The following FAM13A variants were observed in gnomAD, a reference collection of about 807,000 sequenced individuals.
FAM13A encodes family with sequence similarity 13 member A.
FAM13A carries 76 observed loss-of-function variants against 129.6 expected under a neutral mutation model. The ratio of observed to expected loss-of-function variants is 0.59; its 90% confidence interval spans 0.49 to 0.71. FAM13A has a LOEUF of 0.71. Ranked by LOEUF, FAM13A falls within the 30% of genes least tolerant of loss-of-function variation. FAM13A has a pLI of 0.00. For synonymous variants in FAM13A, 443 were observed against 449.9 expected (o/e 0.98, Z 0.20); for missense variants, 1,108 against 1,249.3 (o/e 0.89, Z 1.70).
rs748695550 is a variant in FAM13A at position 88,871,521 on chromosome 4, C to T, written c.844-20338G>A. Among the ~76,000 whole-genome samples the T allele has an allele frequency of 9.2e-5, 14 of 151,976 alleles. No individual in the cohort carries two copies. The East Asian group carries it at 9.6e-4, about 10-fold the overall frequency. On this transcript the variant is annotated intron_variant, in intron 6 of 23. Coordinates refer to ENST00000264344, the MANE Select transcript of FAM13A (RefSeq NM_014883.4). Reference sequence around the variant, plus strand: ...CATGCACAAGCTTCAGTAGCCGATTCGATCAACTGGAAGAAAGGGTATCAG... The same window carrying T: ...CATGCACAAGCTTCAGTAGCCGATTTGATCAACTGGAAGAAAGGGTATCAG...
intron 7 of FAM13A, among the ~76,000 whole-genome samples, chr4:88,828,860 A>G (rs1733451689): frequency 1.3e-5 from 2 of 152,268 alleles, no homozygotes; most frequent in Non-Finnish European, 2.9e-5. Context: ...GCAATCACAG[A>G]TGTGCTAAAA....
intron 3 of FAM13A, among the ~76,000 whole-genome samples, chr4:89,013,748 T>C (rs1766064275): frequency 6.6e-6 from 1 of 152,194 alleles, no homozygotes; most frequent in Non-Finnish European, 1.5e-5. Context: ...CAATAATAAA[T>C]GACTATGTTA....
chr4:88,921,243 T>C (rs1579286773), intron 5 of FAM13A, among the ~76,000 whole-genome samples: 1 of 151,504 alleles, frequency 6.6e-6, no homozygotes, highest in Non-Finnish European at 1.5e-5. Flanking sequence ...CCAAGACACA[T>C]AATTGTCAGA....
chr4:89,007,787 C>A (rs1207309334), intron 3 of FAM13A, among the ~76,000 whole-genome samples: 1 of 152,228 alleles, frequency 6.6e-6, no homozygotes, highest in Non-Finnish European at 1.5e-5. Context: ...ATGCTATAAG[C>A]ACTTTCTTCA....
intron 5 of FAM13A, 69 bp downstream of exon 5, chr4:88,938,019 G>A: frequency 8.1e-7 from 1 of 1,229,678 alleles, no homozygotes; most frequent in South Asian, 1.2e-5. Flanking sequence ...ATTTTTATGA[G>A]AAAGAATTAA....
intron 6 of FAM13A, among the ~76,000 whole-genome samples, chr4:88,895,158 C>T (rs1377457957): frequency 9.9e-5 from 15 of 152,000 alleles, no homozygotes; most frequent in Non-Finnish European, 4.4e-5. Flanking sequence ...ATCATCATCA[C>T]CACTATTATT....
rs1282030059 is a variant in FAM13A, at chr4:88,924,001, G to A, written c.759+14087C>T. On this transcript the variant is annotated intron_variant, in intron 5 of 23. Coordinates refer to ENST00000264344, the MANE Select transcript of FAM13A (RefSeq NM_014883.4). ...CCTAGGAATCCAACTTACAAAGGAC[G>A]TGAAGGACCTCTTCAAAGAGAACTA... 2.6e-5 allele frequency among the ~76,000 whole-genome samples: 4 copies of A among 152,274 alleles called. 1 individual carries two copies. Among genetic ancestry groups the A allele is most frequent in the Admixed American group, 6.5e-5 (1 of 15,290 alleles).
chr4:88,936,510 G>A (rs983028300), intron 5 of FAM13A: 1 of 152,164 alleles, frequency 6.6e-6, no homozygotes, highest in African/African-American at 2.4e-5. Context: ...CCAAGGGGAT[G>A]GCACTAAGTC....
At chr4:88,737,412 A>T in intron 21 of FAM13A, 60 bp downstream of exon 21, 2 of 1,382,670 alleles carry the variant, frequency 1.4e-6, no homozygotes, top group Non-Finnish European at 2.1e-6. Context: ...ACCGGAGGGG[A>T]GGGGAGGAGG....
intron 4 of FAM13A, among the ~76,000 whole-genome samples, chr4:88,967,590 G>A (rs1030269500): frequency 2.0e-5 from 3 of 152,098 alleles, no homozygotes; most frequent in Non-Finnish European, 4.4e-5. Flanking sequence ...TGTGGGATGC[G>A]GCTTAAGGAG....
intron 5 of FAM13A, among the ~76,000 whole-genome samples, chr4:88,921,731 C>T (rs1041119084): frequency 6.6e-6 from 1 of 152,116 alleles, no homozygotes; most frequent in Non-Finnish European, 1.5e-5. Flanking sequence ...GGACTAAATG[C>T]TCCAATTAAA....
intron 3 of FAM13A, among the ~76,000 whole-genome samples, chr4:89,016,017 C>T (rs1766436503): frequency 6.6e-6 from 1 of 151,848 alleles, no homozygotes; most frequent in African/African-American, 2.4e-5. Context: ...CAGGCAGGTA[C>T]TACGGGAAGT....
chr4:88,804,869 G>GT, intron 8 of FAM13A, 142 bp downstream of exon 8: 2 of 627,134 alleles, frequency 3.2e-6, no homozygotes, highest in African/African-American at 1.9e-5. Context: ...GGAAAATACA[G>GT]TAAGGTGAAG....
At chr4:88,919,895 T>C (rs921166573) in intron 5 of FAM13A, among the ~76,000 whole-genome samples, 6 of 152,258 alleles carry the variant, frequency 3.9e-5, no homozygotes, top group African/African-American at 1.4e-4. Context: ...CAGGAGATTA[T>C]ATCGCGCACA....
Position 88,991,244 on chromosome 4 carries a change from GA to G in FAM13A, c.428-95del, listed in dbSNP as rs1374402326. ...GTAATACATTCTAACATTTTATTCA[GA>G]AAAAAACTCTTGAGAGACTGAGATA... On this transcript the variant is annotated intron_variant, in intron 3 of 23. Transcript: ENST00000264344. 5 of 924,772 alleles carry G rather than the reference GA, an allele frequency of 5.4e-6. No individual in the cohort carries two copies. The South Asian group carries it at 7.7e-5, about 14-fold the overall frequency. 57.3% of individuals were successfully genotyped at this position (924,772 alleles called of 1,614,324 possible).
intron 1 of FAM13A, among the ~76,000 whole-genome samples, chr4:89,043,487 A>G (rs1391721039): frequency 6.6e-6 from 1 of 152,098 alleles, no homozygotes; most frequent in African/African-American, 2.4e-5. Context: ...GCCCATTATT[A>G]CTATACCCCA....
intron 3 of FAM13A, 84 bp from the exon 4 acceptor site, chr4:88,991,234 AT>A: frequency 9.7e-7 from 1 of 1,025,824 alleles, no homozygotes; most frequent in Non-Finnish European, 1.4e-6. Context: ...ACATTCTAAC[AT>A]TTTATTCAGA....
chr4:89,020,148 C>T (rs1186864532), intron 3 of FAM13A, among the ~76,000 whole-genome samples: 1 of 151,878 alleles, frequency 6.6e-6, no homozygotes, highest in African/African-American at 2.4e-5. Flanking sequence ...TATGATTTTA[C>T]ATAGGGGATG....
chr4:89,015,036 T>TA (rs1766277870), intron 3 of FAM13A, among the ~76,000 whole-genome samples: 1 of 152,162 alleles, frequency 6.6e-6, no homozygotes, highest in Non-Finnish European at 1.5e-5. Flanking sequence ...GGGTGGTCTC[T>TA]AAAATGGCCG....
Sources: allele counts gnomAD v4.1 joint callset (sites outside exome capture counted in the v4.1 genomes callset), GRCh38; gene constraint gnomAD v4.1.1; transcripts MANE v1.5; gene names NCBI Gene and HGNC (gene_info 2026-07-23, HGNC 2026-07-21).